Variants in SGSM1 observed in about 807,000 individuals in gnomAD.
The protein encoded by SGSM1 is RUN and TBC1 domain containing 2.
Under a neutral mutation model 133.8 loss-of-function variants are expected in SGSM1, and 73 were observed. The observed-to-expected ratio is 0.55, with a 90% CI of 0.45 to 0.66. SGSM1 has a LOEUF of 0.66. SGSM1 is among the 30% of genes least tolerant of loss of function. The pLI is 0.00. For missense variants in SGSM1, 1,213 were observed against 1,448.1 expected (o/e 0.84, Z 2.64); for synonymous variants, 563 against 573.0 (o/e 0.98, Z 0.25).
At position 24,927,251 on chromosome 22, in the gene SGSM1, C is replaced by T. The variant is rs1029436405; in HGVS notation, c.*2977C>T. The T allele has an allele frequency of 1.6e-4, 25 of 152,156 alleles. No homozygotes were observed. Among genetic ancestry groups the T allele is most frequent in the Admixed American group, 1.2e-3 (19 of 15,266 alleles). 9.4% of individuals were successfully genotyped at this position (152,156 alleles called of 1,614,324 possible). A position where few individuals can be genotyped will look rare whatever the true frequency, so the allele number is the denominator to read the frequency against. On this transcript the variant is annotated 3_prime_UTR_variant, in exon 25 of 25. Coordinates refer to ENST00000400358, the MANE Select transcript of SGSM1 (RefSeq NM_001098497.3). The stretch of plus-strand genomic sequence containing the variant: ...TAGGGCAGTGGGGGAAACTGGATTC[C>T]GTATCTTGCATCCTCCAGCAGGCTA...
intron 12 of SGSM1, chr22:24,874,557 A>G: frequency 6.2e-7 from 1 of 1,607,060 alleles, no homozygotes; most frequent in Non-Finnish European, 8.5e-7. Context: ...TCCCCACGCC[A>G]AGCCCGAAGG....
chr22:24,822,768 G>T (rs1478845321), intron 2 of SGSM1, among the ~76,000 whole-genome samples: 2 of 152,210 alleles, frequency 1.3e-5, no homozygotes, highest in Non-Finnish European at 2.9e-5. Flanking sequence ...TGGTTGCTCT[G>T]CCACTGGGGT....
rs191374651 is a variant in SGSM1 at position 24,879,462 on chromosome 22, G to C, written c.1431G>C (p.Arg477Ser). 1.2e-6 allele frequency: 2 copies of C among 1,613,608 alleles called. No individual in the cohort carries two copies. Among genetic ancestry groups the C allele is most frequent in the East Asian group, 4.5e-5 (2 of 44,864 alleles). ...CATCTCCCTCTTTCTCCACCTGCAGGGCTCCCCTGAAACTTCTCTGTGACA... is the reference window on the plus strand; with the variant it reads ...CATCTCCCTCTTTCTCCACCTGCAGCGCTCCCCTGAAACTTCTCTGTGACA... Reference protein sequence around the residue: ...GSSTNGCNHERAPLKLLCDNM... With the variant: ...GSSTNGCNHESAPLKLLCDNM... The change falls in exon 14 of 25, where the codon AGG (arginine) becomes AGC (serine). Residue 477 changes from arginine (R) to serine (S), a missense_variant and splice_region_variant. Arg to Ser is a moderately radical substitution (Grantham distance 110). Transcript: ENST00000400358.
intron 2 of SGSM1, among the ~76,000 whole-genome samples, chr22:24,818,720 T>G (rs2147790093): frequency 6.6e-6 from 1 of 152,102 alleles, no homozygotes; most frequent in East Asian, 1.9e-4. Flanking sequence ...AAACACTGGG[T>G]CTGTAACTCC....
At position 24,925,911 on chromosome 22, in the gene SGSM1, A is replaced by G. The variant is rs1431718956; in HGVS notation, c.*1637A>G. 1 of 152,152 alleles carries G rather than the reference A, an allele frequency of 6.6e-6. No homozygotes were observed. Among genetic ancestry groups the G allele is most frequent in the African/African-American group, 2.4e-5 (1 of 41,404 alleles). The allele number at this position is 152,152 out of a possible 1,614,324, so 9.4% of individuals were successfully genotyped here. ...CGAAGTGAACTAGTTTACTCTGCCT[A>G]CCTGTCCTTTCAATAGAGCAGTCTT... On this transcript the variant is annotated 3_prime_UTR_variant, in exon 25 of 25. Transcript: ENST00000400358.
intron 2 of SGSM1, among the ~76,000 whole-genome samples, chr22:24,823,957 C>G (rs998817245): frequency 2.0e-5 from 3 of 152,190 alleles, no homozygotes; most frequent in Admixed American, 2.0e-4. Flanking sequence ...GAGGCAGATG[C>G]TGATATCACC....
chr22:24,862,826 A>G (rs940611776), intron 9 of SGSM1, among the ~76,000 whole-genome samples: 29 of 152,168 alleles, frequency 1.9e-4, no homozygotes, highest in African/African-American at 7.0e-4. Flanking sequence ...CTCCACCTCA[A>G]TGAGCCTCAG....
intron 24 of SGSM1, among the ~76,000 whole-genome samples, chr22:24,923,465 C>G (rs1284592277): frequency 6.6e-6 from 1 of 151,906 alleles, no homozygotes; most frequent in East Asian, 1.9e-4. Context: ...TTATTTTTTT[C>G]TTTGGTTTTT....
At chr22:24,886,838 G>A (rs1044364187) in intron 16 of SGSM1, 110 bp downstream of exon 16, 21 of 1,345,614 alleles carry the variant, frequency 1.6e-5, no homozygotes, top group Middle Eastern at 3.9e-4. Flanking sequence ...AGGGAGATAC[G>A]GGGAAGATGG....
At chr22:24,892,490 T>C (rs551807578) in intron 16 of SGSM1, among the ~76,000 whole-genome samples, 1 of 152,154 alleles carries the variant, frequency 6.6e-6, no homozygotes, top group Non-Finnish European at 1.5e-5. Flanking sequence ...TGTAAGGCCA[T>C]TGCTGTAAGG....
Position 24,898,321 on chromosome 22 carries a change from G to A in SGSM1, c.2372G>A (p.Ser791Asn), listed in dbSNP as rs756629340. The A allele has an allele frequency of 9.9e-6, 16 of 1,613,882 alleles. No homozygotes were observed. Among genetic ancestry groups the A allele is most frequent in the Admixed American group, 1.7e-5 (1 of 59,996 alleles). ...SLESDLLANE[S>N]MDEFMSITGS... ...GAGAGTGACCTCCTGGCCAACGAGA[G>A]CATGGACGAGTTCATGTCCATCACG... The change falls in exon 19 of 25, where the codon AGC becomes AAC. Residue 791 changes from serine to asparagine, a missense_variant. Ser to Asn is a conservative substitution (Grantham distance 46). Coordinates refer to ENST00000400358, the MANE Select transcript of SGSM1 (RefSeq NM_001098497.3).
Position 24,893,569 on chromosome 22 carries a change from C to T in SGSM1, c.1909C>T (p.His637Tyr). The change falls in exon 17 of 25, where the codon CAC becomes TAC. Residue 637 changes from histidine (H) to tyrosine (Y), a missense_variant. His to Tyr is a moderately conservative substitution (Grantham distance 83). Transcript: ENST00000400358. ...KCSSGASLDS[H>Y]LHRMLHRDST... Reference sequence around the variant, plus strand: ...CTCATCCGGGGCCAGCTTGGACAGCCACCTGCACCGGATGTTGCACAGGGA... The same window carrying T: ...CTCATCCGGGGCCAGCTTGGACAGCTACCTGCACCGGATGTTGCACAGGGA... 1 of 1,596,554 alleles carries T rather than the reference C, an allele frequency of 6.3e-7. No individual in the cohort carries two copies. The highest frequency in any genetic ancestry group is 1.7e-5 in the Admixed American group (1 of 57,790).
intron 24 of SGSM1, among the ~76,000 whole-genome samples, chr22:24,921,697 A>G (rs924288747): frequency 2.7e-5 from 4 of 145,944 alleles, no homozygotes; most frequent in African/African-American, 5.0e-5. Context: ...AATAATACAT[A>G]TGTATCTTTT....
intron 2 of SGSM1, among the ~76,000 whole-genome samples, chr22:24,837,294 G>A (rs1929487818): frequency 6.6e-6 from 1 of 152,200 alleles, no homozygotes; most frequent in African/African-American, 2.4e-5. Context: ...CCTGGCAGCT[G>A]AGGCAGAGAG....
rs1308487356 is a variant in SGSM1 at position 24,844,962 on chromosome 22, C to T, written c.129C>T (p.Ile43=). The T allele has an allele frequency of 1.2e-6, 2 of 1,613,714 alleles. No individual in the cohort carries two copies. Among genetic ancestry groups the T allele is most frequent in the Non-Finnish European group, 1.7e-6 (2 of 1,179,876 alleles). ...KFVHEDSSHI[I]SFCAAVEACV... ...TCCACGAAGACAGCAGCCACATCAT[C>T]TCCTTCTGTGGTGAGTCTGTGACCT... The change falls in exon 3 of 25, where the codon ATC becomes ATT. Residue 43 remains isoleucine, a synonymous_variant. Coordinates refer to ENST00000400358, the MANE Select transcript of SGSM1 (RefSeq NM_001098497.3).
chr22:24,835,005 C>T (rs546595740), intron 2 of SGSM1, among the ~76,000 whole-genome samples: 22 of 152,250 alleles, frequency 1.4e-4, no homozygotes, highest in African/African-American at 5.1e-4. Flanking sequence ...TCAAGACATA[C>T]GTTATTCTCT....
chr22:24,906,280 G>A (rs1933376083), intron 21 of SGSM1, among the ~76,000 whole-genome samples: 1 of 152,106 alleles, frequency 6.6e-6, no homozygotes, highest in Admixed American at 6.6e-5. Context: ...GGGCATTTAT[G>A]GAAACCTCAC....
At chr22:24,832,842 G>A (rs1157011828) in intron 2 of SGSM1, among the ~76,000 whole-genome samples, 1 of 152,144 alleles carries the variant, frequency 6.6e-6, no homozygotes, top group East Asian at 1.9e-4. Context: ...CTCCATGAGG[G>A]AAGGATCAGA....
At chr22:24,848,335 C>G (rs1344556712) in intron 4 of SGSM1, among the ~76,000 whole-genome samples, 2 of 152,048 alleles carry the variant, frequency 1.3e-5, no homozygotes, top group Non-Finnish European at 2.9e-5. Context: ...TTGATAGAAC[C>G]AATATGGCCT....
Sources: gnomAD v4.1 joint callset for allele counts (sites outside exome capture counted in the v4.1 genomes callset) on GRCh38, gnomAD v4.1.1 for gene constraint, MANE v1.5 for transcripts, NCBI Gene and HGNC (gene_info 2026-07-23, HGNC 2026-07-21) for gene names.